Variants in TMX4 observed in about 807,000 individuals in gnomAD.
TMX4 encodes thioredoxin related transmembrane protein 4.
A neutral mutation model predicts 33.3 loss-of-function variants in TMX4; 23 were observed. The ratio of observed to expected loss-of-function variants is 0.69; its 90% CI spans 0.50 to 0.98. The LOEUF (loss-of-function observed/expected upper bound fraction) is 0.98, where lower values mean the gene tolerates loss of function less well. Among genes scored for constraint, TMX4 ranks in the 50% least tolerant of loss-of-function variants. The pLI is 0.00. For synonymous variants in TMX4, 164 were observed against 161.5 expected (o/e 1.02, Z -0.12); for missense variants, 399 against 448.9 (o/e 0.89, Z 1.01).
chr20:7,999,162 T>G (rs2050690990), intron 4 of TMX4, among the ~76,000 whole-genome samples: 1 of 152,198 alleles, frequency 6.6e-6, no homozygotes, highest in African/African-American at 2.4e-5. Flanking sequence ...TAACATAAAA[T>G]TATCTATATA....
intron 1 of TMX4, among the ~76,000 whole-genome samples, chr20:8,012,799 G>T (rs187559342): frequency 6.6e-6 from 1 of 152,010 alleles, no homozygotes; most frequent in Non-Finnish European, 1.5e-5. Flanking sequence ...ATGCATCCTC[G>T]GATATGCCAC....
At chr20:7,993,180 G>A (rs1263973174) in intron 5 of TMX4, among the ~76,000 whole-genome samples, 1 of 152,168 alleles carries the variant, frequency 6.6e-6, no homozygotes, top group Non-Finnish European at 1.5e-5. Flanking sequence ...TTGTCTCACT[G>A]GCATTAGCCA....
rs556954288 is a variant in TMX4, at chr20:7,983,951, T to C, written c.616-94A>G. On this transcript the variant is annotated intron_variant, in intron 6 of 7. Coordinates refer to ENST00000246024, the MANE Select transcript of TMX4 (RefSeq NM_021156.4). ...GCCTTGCTTCTATAATCAGATATTCTTAGACTAATAATTAGCAGCTAGTCA... is the reference window on the plus strand; with the variant it reads ...GCCTTGCTTCTATAATCAGATATTCCTAGACTAATAATTAGCAGCTAGTCA... 5.9e-5 allele frequency: 49 copies of C among 827,084 alleles called. 1 individual carries two copies. The South Asian group carries it at 7.9e-4, about 13-fold the overall frequency. The allele number at this position is 827,084 out of a possible 1,614,324, so 51.2% of individuals were successfully genotyped here.
chr20:7,988,384 C>T (rs2050639562), intron 5 of TMX4, among the ~76,000 whole-genome samples: 2 of 152,134 alleles, frequency 1.3e-5, no homozygotes, highest in South Asian at 4.1e-4. Context: ...CCATTGGTTT[C>T]TTAGTTTATG....
chr20:8,010,094 C>A (rs1208657841), intron 2 of TMX4, 106 bp downstream of exon 2: 3 of 851,226 alleles, frequency 3.5e-6, no homozygotes, highest in Non-Finnish European at 5.7e-6. Context: ...GTGGCCAGTT[C>A]ATGGGTAATC....
At chr20:7,982,692 A>T in intron 7 of TMX4, 71 bp from the exon 8 acceptor site, 2 of 1,476,886 alleles carry the variant, frequency 1.4e-6, no homozygotes, top group East Asian at 2.3e-5. Flanking sequence ...GAGTGTGTTT[A>T]GCTGTGAAAT....
At chr20:8,004,156 A>T (rs554408458) in intron 2 of TMX4, among the ~76,000 whole-genome samples, 88 of 152,078 alleles carry the variant, frequency 5.8e-4, no homozygotes, top group African/African-American at 2.1e-3. Context: ...CTGGGAGGCT[A>T]AAAGACATCC....
intron 1 of TMX4, 23 bp downstream of exon 1, chr20:8,019,415 C>T: frequency 6.6e-7 from 1 of 1,511,742 alleles, no homozygotes; most frequent in Non-Finnish European, 8.9e-7. Context: ...ACTGCGGCGT[C>T]CGGGGCGGGC....
At chr20:8,011,070 T>G (rs907639157) in intron 1 of TMX4, among the ~76,000 whole-genome samples, 7 of 152,058 alleles carry the variant, frequency 4.6e-5, no homozygotes, top group Non-Finnish European at 8.8e-5. Context: ...TTATTCTTAT[T>G]TTTGCGTCTG....
At chr20:7,984,572 T>A (rs770568366) in intron 6 of TMX4, among the ~76,000 whole-genome samples, 1 of 152,174 alleles carries the variant, frequency 6.6e-6, no homozygotes, top group Non-Finnish European at 1.5e-5. Flanking sequence ...CCTTTTAATG[T>A]GATAGTTATA....
intron 1 of TMX4, among the ~76,000 whole-genome samples, chr20:8,017,849 C>G (rs2050782688): frequency 6.6e-6 from 1 of 152,146 alleles, no homozygotes; most frequent in South Asian, 2.1e-4. Flanking sequence ...TCACCTTCTT[C>G]CAAAAATAGT....
At chr20:8,018,179 C>A (rs1159328080) in intron 1 of TMX4, among the ~76,000 whole-genome samples, 19 of 125,206 alleles carry the variant, frequency 1.5e-4, no homozygotes, top group African/African-American at 5.0e-4. Context: ...CAACGTAAAA[C>A]AAAGATTCAA....
intron 1 of TMX4, chr20:8,018,688 TAAAG>T (rs1433849881): frequency 1.2e-5 from 2 of 173,436 alleles, no homozygotes; most frequent in African/African-American, 2.4e-5. Context: ...CCCATCTCCT[TAAAG>T]AAAAGGCACT....
In TMX4 at chr20:7,987,296, TA is replaced by T. The variant is rs2050634873; in HGVS notation, c.606del (p.Phe202LeufsTer8). The part of the protein sequence containing the change: ...FVIATLVFGL[F>X]MGLVLVVISE... ...TTGGTATTATCTCTTACCAGACCCA[TA>T]AAAAGGCCAAAAACCAAGGTGGCTA... On this transcript the variant is annotated frameshift_variant, in exon 6 of 8. Coordinates refer to ENST00000246024, the MANE Select transcript of TMX4 (RefSeq NM_021156.4). LOFTEE classifies it high-confidence loss of function. 1.9e-6 allele frequency: 3 copies of T among 1,585,598 alleles called. No homozygotes were observed. Among genetic ancestry groups the T allele is most frequent in the Admixed American group, 1.9e-5 (1 of 52,142 alleles).
At chr20:8,011,790 C>T (rs2050754195) in intron 1 of TMX4, among the ~76,000 whole-genome samples, 1 of 152,058 alleles carries the variant, frequency 6.6e-6, no homozygotes, top group East Asian at 1.9e-4. Flanking sequence ...TAGCTAATTC[C>T]AAGATCATGC....
intron 5 of TMX4, among the ~76,000 whole-genome samples, chr20:7,989,165 G>C (rs533621657): frequency 1.3e-5 from 2 of 152,166 alleles, no homozygotes; most frequent in African/African-American, 4.8e-5. Context: ...AGAAAATACT[G>C]TGTATTAAGC....
chr20:7,987,189 T>C, intron 6 of TMX4, 99 bp downstream of exon 6: 1 of 849,880 alleles, frequency 1.2e-6, no homozygotes, highest in Non-Finnish European at 1.9e-6. Flanking sequence ...TTGCACAAAA[T>C]ACTATTTTTT....
intron 1 of TMX4, 21 bp downstream of exon 1, chr20:8,019,417 G>C (rs557254267): frequency 1.3e-6 from 2 of 1,511,762 alleles, no homozygotes; most frequent in South Asian, 1.2e-5. Flanking sequence ...TGCGGCGTCC[G>C]GGGCGGGCGG....
intron 1 of TMX4, among the ~76,000 whole-genome samples, chr20:8,018,343 G>GTCTC (rs1568540879): frequency 3.4e-5 from 3 of 88,336 alleles, no homozygotes; most frequent in Non-Finnish European, 6.4e-5. Context: ...GAGAGAGAGA[G>GTCTC]AGGAGGGAGA....
Sources: allele counts gnomAD v4.1 joint callset (sites outside exome capture counted in the v4.1 genomes callset), GRCh38; gene constraint gnomAD v4.1.1; transcripts MANE v1.5; gene names NCBI Gene and HGNC (gene_info 2026-07-23, HGNC 2026-07-21).